SLC35F1: variants seen among roughly 807,000 people sequenced by gnomAD.
SLC35F1 encodes solute carrier family 35 member F1, also known as chromosome 6 open reading frame 169.
In SLC35F1, 14 loss-of-function variants were observed where a neutral mutation model predicts 48.7. The ratio of observed to expected loss-of-function variants is 0.29; its 90% CI spans 0.19 to 0.45. The LOEUF (loss-of-function observed/expected upper bound fraction) is 0.45. SLC35F1 is among the 20% of genes least tolerant of loss of function. The probability of loss-of-function intolerance (pLI) is 1.00; values close to 1 mark genes in which losing one functional copy is unlikely to be tolerated. For synonymous variants in SLC35F1, 190 were observed against 202.2 expected (o/e 0.94, Z 0.51); for missense variants, 404 against 500.0 (o/e 0.81, Z 1.83).
intron 1 of SLC35F1, among the ~76,000 whole-genome samples, chr6:118,050,264 T>C (rs940947545): frequency 6.6e-6 from 1 of 151,412 alleles, no homozygotes; most frequent in African/African-American, 2.4e-5. Flanking sequence ...TACCTAATGC[T>C]AAATGACAAG....
intron 1 of SLC35F1, among the ~76,000 whole-genome samples, chr6:117,975,629 C>CTTAT (rs905291979): frequency 5.3e-5 from 8 of 152,008 alleles, no homozygotes; most frequent in Admixed American, 1.3e-4. Context: ...ATGTGATTCT[C>CTTAT]TTATTTATTT....
chr6:118,137,247 C>T (rs1773810563), intron 1 of SLC35F1, among the ~76,000 whole-genome samples: 1 of 152,190 alleles, frequency 6.6e-6, no homozygotes, highest in Non-Finnish European at 1.5e-5. Flanking sequence ...TAATAAAATT[C>T]CAAGCATTTC....
intron 1 of SLC35F1, among the ~76,000 whole-genome samples, chr6:118,002,305 C>T (rs1055296609): frequency 6.6e-6 from 1 of 152,128 alleles, no homozygotes; most frequent in South Asian, 2.1e-4. Flanking sequence ...TTTGTAGGGA[C>T]ATGGATGAAA....
chr6:118,128,793 CA>C (rs1773667556), intron 1 of SLC35F1, among the ~76,000 whole-genome samples: 1 of 150,188 alleles, frequency 6.7e-6, no homozygotes, highest in African/African-American at 2.5e-5. Context: ...CACATGTACC[CA>C]AAAACTTAAA....
chr6:118,238,495 T>A (rs3951016), intron 3 of SLC35F1, among the ~76,000 whole-genome samples: 77,185 of 151,100 alleles, frequency 0.51, 20,062 homozygotes, highest in East Asian at 0.73. Flanking sequence ...GAACATCTAG[T>A]AAAAGGATGA....
At chr6:118,136,117 A>T (rs1773790901) in intron 1 of SLC35F1, among the ~76,000 whole-genome samples, 1 of 152,342 alleles carries the variant, frequency 6.6e-6, no homozygotes. Context: ...TGCTGTGAGC[A>T]TGTGGTACCT....
chr6:118,107,729 G>A (rs1773345186), intron 1 of SLC35F1, among the ~76,000 whole-genome samples: 1 of 152,010 alleles, frequency 6.6e-6, no homozygotes, highest in Non-Finnish European at 1.5e-5. Flanking sequence ...TGGGCAACGG[G>A]TATGTGTGTG....
chr6:118,267,007 T>C lies in SLC35F1; in HGVS notation c.490T>C (p.Phe164Leu). 6.2e-7 allele frequency: 1 copy of C among 1,613,928 alleles called. No homozygotes were observed. Among genetic ancestry groups the C allele is most frequent in the African/African-American group, 1.3e-5 (1 of 75,028 alleles). The change falls in exon 4 of 8, where the codon TTT (phenylalanine) becomes CTT (leucine). Residue 164 changes from phenylalanine to leucine, a missense_variant. Coordinates refer to ENST00000360388, the MANE Select transcript of SLC35F1 (RefSeq NM_001029858.4). ...TCCCTCCCAATAGCTCCTGGACTGT[T>C]TTGTGATCCCAGTCGTGATTTTGCT... ...TLTSIQLLDC[F>L]VIPVVILLSW...
chr6:117,996,559 G>A (rs1050933398), intron 1 of SLC35F1, among the ~76,000 whole-genome samples: 7 of 152,110 alleles, frequency 4.6e-5, no homozygotes, highest in Non-Finnish European at 7.3e-5. Context: ...CACCTCACAC[G>A]GCCGGGTACT....
chr6:117,977,541 A>G (rs1554219925), intron 1 of SLC35F1, among the ~76,000 whole-genome samples: 3 of 151,066 alleles, frequency 2.0e-5, no homozygotes, highest in East Asian at 1.9e-4. Context: ...TTCATTGTCC[A>G]TTTTTTTTCC....
chr6:117,935,599 G>T (rs1776154134), intron 1 of SLC35F1, among the ~76,000 whole-genome samples: 1 of 152,086 alleles, frequency 6.6e-6, no homozygotes, highest in African/African-American at 2.4e-5. Flanking sequence ...ACAACCTTTT[G>T]GCACCTAGGA....
At position 118,069,929 on chromosome 6, in the gene SLC35F1, G is replaced by A. The variant is rs533050475; in HGVS notation, c.174-84516G>A. On this transcript the variant is annotated intron_variant, in intron 1 of 7. Transcript: ENST00000360388. ...AGGCGGGTGGATCATGAGGTCAGGAGATCAAGACCATCCTGGCCAACAAGG... is the reference window on the plus strand; with the variant it reads ...AGGCGGGTGGATCATGAGGTCAGGAAATCAAGACCATCCTGGCCAACAAGG... 9.2e-4 allele frequency among the ~76,000 whole-genome samples: 140 copies of A among 151,738 alleles called. 1 individual carries two copies. In the Middle Eastern group the frequency reaches 0.01, roughly 11 times the overall value.
intron 2 of SLC35F1, among the ~76,000 whole-genome samples, chr6:118,201,689 G>A (rs1774875604): frequency 6.6e-6 from 1 of 152,210 alleles, no homozygotes; most frequent in East Asian, 1.9e-4. Flanking sequence ...TGTTCACATA[G>A]TTGTACAACT....
At chr6:117,991,906 T>C (rs1776923756) in intron 1 of SLC35F1, among the ~76,000 whole-genome samples, 1 of 152,190 alleles carries the variant, frequency 6.6e-6, no homozygotes, top group Non-Finnish European at 1.5e-5. Flanking sequence ...CATTTTTTTC[T>C]CATGATACCA....
At chr6:117,929,007 G>A (rs1285424751) in intron 1 of SLC35F1, among the ~76,000 whole-genome samples, 1 of 151,822 alleles carries the variant, frequency 6.6e-6, no homozygotes, top group Non-Finnish European at 1.5e-5. Context: ...CAATCATCAG[G>A]CCTTCCAGAT....
intron 2 of SLC35F1, among the ~76,000 whole-genome samples, chr6:118,201,490 C>T (rs1231009621): frequency 6.6e-6 from 1 of 152,092 alleles, no homozygotes; most frequent in Non-Finnish European, 1.5e-5. Flanking sequence ...AGTTGTTTAC[C>T]TTTGTATCTC....
chr6:118,314,693 T>A lies in SLC35F1; in HGVS notation c.*441T>A. 5.1e-6 allele frequency: 1 copy of A among 195,116 alleles called. No homozygotes were observed. Among genetic ancestry groups the A allele is most frequent in the Non-Finnish European group, 1.1e-5 (1 of 91,688 alleles). The allele number at this position is 195,116 out of a possible 1,614,324, so 12.1% of individuals were successfully genotyped here. The stretch of plus-strand genomic sequence containing the variant: ...AATTCACTTTTTAAGAGTCATACTT[T>A]ATTTTTTTGCACAGACTATATGAGT... On this transcript the variant is annotated 3_prime_UTR_variant, in exon 8 of 8. Transcript: ENST00000360388.
intron 3 of SLC35F1, among the ~76,000 whole-genome samples, chr6:118,252,439 G>A (rs951987299): frequency 3.3e-5 from 5 of 152,140 alleles, no homozygotes; most frequent in East Asian, 1.9e-4. Flanking sequence ...CTCAGTCACC[G>A]GGGGAATGGT....
chr6:118,138,852 A>G (rs961296168), intron 1 of SLC35F1, among the ~76,000 whole-genome samples: 1 of 152,072 alleles, frequency 6.6e-6, no homozygotes, highest in African/African-American at 2.4e-5. Context: ...TGTCACGTAC[A>G]ACTCATTTGA....
Sources: allele counts gnomAD v4.1 joint callset (sites outside exome capture counted in the v4.1 genomes callset), GRCh38; gene constraint gnomAD v4.1.1; transcripts MANE v1.5; gene names NCBI Gene and HGNC (gene_info 2026-07-23, HGNC 2026-07-21).